Variants in HPCAL1 observed in about 807,000 individuals in gnomAD.
HPCAL1 encodes the protein hippocalcin-like protein 1.
Under a neutral mutation model 17.1 loss-of-function variants are expected in HPCAL1, and 8 were observed. That is an observed-to-expected ratio of 0.47 (90% CI 0.27 to 0.84). The LOEUF (loss-of-function observed/expected upper bound fraction) is 0.84, where lower values mean the gene tolerates loss of function less well. HPCAL1 is among the 40% of genes least tolerant of loss of function. HPCAL1 has a pLI of 0.13. For missense variants in HPCAL1, 165 were observed against 271.1 expected, an observed-to-expected ratio of 0.61 and a Z score of 2.75; for synonymous variants, 112 against 111.4, an observed-to-expected ratio of 1.01 and a Z score of -0.03.
intron 1 of HPCAL1, among the ~76,000 whole-genome samples, chr2:10,378,941 G>A (rs955180733): frequency 6.6e-6 from 1 of 152,222 alleles, no homozygotes; most frequent in Admixed American, 6.5e-5. Context: ...GAGGCGGACA[G>A]ACTCATGCTG....
intron 1 of HPCAL1, among the ~76,000 whole-genome samples, chr2:10,336,120 G>A (rs1664706055): frequency 6.7e-6 from 1 of 148,350 alleles, no homozygotes; most frequent in Non-Finnish European, 1.5e-5. Context: ...TAAATTAATT[G>A]CATGTTCGTA....
chr2:10,397,773 G>T (rs963766923), intron 2 of HPCAL1, among the ~76,000 whole-genome samples: 6 of 152,192 alleles, frequency 3.9e-5, no homozygotes, highest in Non-Finnish European at 8.8e-5. Flanking sequence ...CTGCCCTCGG[G>T]TCTGGAGAGC....
chr2:10,325,831 G>A lies in HPCAL1; in HGVS notation c.-111+22654G>A, dbSNP rs531683817. On this transcript the variant is annotated intron_variant, in intron 1 of 4. Transcript: ENST00000307845. The stretch of plus-strand genomic sequence containing the variant: ...TCCTGCTGGTCCCAGGCCCAGCTGC[G>A]GCCAATTAGCACCTCTGTTGGGCAC... Among the ~76,000 whole-genome samples the A allele has an allele frequency of 1.1e-4, 16 of 152,322 alleles. 1 individual carries two copies. The highest frequency in any genetic ancestry group is 2.1e-4 in the South Asian group (1 of 4,834).
At chr2:10,315,114 A>T (rs77220471) in intron 1 of HPCAL1, among the ~76,000 whole-genome samples, 2 of 151,996 alleles carry the variant, frequency 1.3e-5, no homozygotes, top group Non-Finnish European at 2.9e-5. Context: ...ACACGGTGAA[A>T]CCCCGTCTCT....
intron 2 of HPCAL1, among the ~76,000 whole-genome samples, chr2:10,410,961 C>G (rs1262127292): frequency 6.6e-6 from 1 of 150,816 alleles, no homozygotes; most frequent in African/African-American, 2.4e-5. Context: ...AGGCAGCCTG[C>G]GTCGGGCCCG....
Position 10,384,735 on chromosome 2 carries a change from C to G in HPCAL1, c.-110-12100C>G, listed in dbSNP as rs1367836823. On this transcript the variant is annotated intron_variant, in intron 1 of 4. Coordinates refer to ENST00000307845, the MANE Select transcript of HPCAL1 (RefSeq NM_002149.4). The surrounding 1 kb of genome is among the most constrained non-coding windows in gnomAD (Gnocchi z 4.4). Reference sequence around the variant, plus strand: ...GGCAGAGTAAACAGTGCAGTGGCAGCCGGGGCTGGCACTTTTAAAGAAAGC... The same window carrying G: ...GGCAGAGTAAACAGTGCAGTGGCAGGCGGGGCTGGCACTTTTAAAGAAAGC... Among the ~76,000 whole-genome samples, 1 of 152,084 alleles carries G rather than the reference C, an allele frequency of 6.6e-6. No homozygotes were observed. The highest frequency in any genetic ancestry group is 1.5e-5 in the Non-Finnish European group (1 of 68,010).
At chr2:10,393,051 G>GC (rs1668807322) in intron 1 of HPCAL1, among the ~76,000 whole-genome samples, 1 of 152,204 alleles carries the variant, frequency 6.6e-6, no homozygotes, top group Non-Finnish European at 1.5e-5. Context: ...GTAGATCTGT[G>GC]CCCAGCAGGT....
At chr2:10,350,177 T>G (rs1366411674) in intron 1 of HPCAL1, among the ~76,000 whole-genome samples, 1 of 152,190 alleles carries the variant, frequency 6.6e-6, no homozygotes, top group Non-Finnish European at 1.5e-5. Flanking sequence ...TGAGTCTTGG[T>G]GGGCTCAGAG....
chr2:10,402,399 C>T (rs1358745099), intron 2 of HPCAL1, among the ~76,000 whole-genome samples: 2 of 152,202 alleles, frequency 1.3e-5, no homozygotes, highest in Admixed American at 6.5e-5. Context: ...ACAACTCTCC[C>T]TGCAGAATCT....
Position 10,349,571 on chromosome 2 carries a change from C to A in HPCAL1, c.-111+46394C>A, listed in dbSNP as rs535349540. ...ACAAAAAATTAGCTGGGCGTGGTGG[C>A]GGGCACCTGTAGTCCCAGCTACTCA... On this transcript the variant is annotated intron_variant, in intron 1 of 4. Transcript: ENST00000307845. Among the ~76,000 whole-genome samples, 61 of 151,334 alleles carry A rather than the reference C, an allele frequency of 4.0e-4. 1 individual carries two copies. The highest frequency in any genetic ancestry group is 1.4e-3 in the African/African-American group (59 of 41,168).
Position 10,427,173 on chromosome 2 carries a change from C to G in HPCAL1, c.*352C>G. The G allele has an allele frequency of 4.0e-6, 1 of 249,894 alleles. No homozygotes were observed. The highest frequency in any genetic ancestry group is 1.1e-4 in the East Asian group (1 of 9,496). The allele number at this position is 249,894 out of a possible 1,614,324, so 15.5% of individuals were successfully genotyped here. ...GAGGCTGCGCCCCGGCCGGCCCATG[C>G]GTTTTGTGATCCCAAGTGACTCTGT... On this transcript the variant is annotated 3_prime_UTR_variant, in exon 5 of 5. Coordinates refer to ENST00000307845, the MANE Select transcript of HPCAL1 (RefSeq NM_002149.4).
chr2:10,422,950 C>G (rs1396044139), intron 3 of HPCAL1, 33 bp from the exon 4 acceptor site: 1 of 1,523,642 alleles, frequency 6.6e-7, no homozygotes, highest in South Asian at 1.1e-5. Context: ...GCCCCCGGGC[C>G]TCTGAGCACA....
chr2:10,337,272 C>T (rs1303876962), intron 1 of HPCAL1, among the ~76,000 whole-genome samples: 3 of 152,156 alleles, frequency 2.0e-5, no homozygotes, highest in African/African-American at 4.8e-5. Flanking sequence ...CCCCTCCTTT[C>T]GTGTCTTCGT....
At chr2:10,385,049 G>A (rs1334447742) in intron 1 of HPCAL1, among the ~76,000 whole-genome samples, 1 of 151,598 alleles carries the variant, frequency 6.6e-6, no homozygotes, top group Admixed American at 6.6e-5. Context: ...GAACCCGGGA[G>A]GTGAAGGTTG....
At chr2:10,324,088 TCCCACTATTAAGAA>T (rs1663838110) in intron 1 of HPCAL1, among the ~76,000 whole-genome samples, 1 of 152,234 alleles carries the variant, frequency 6.6e-6, no homozygotes, top group Non-Finnish European at 1.5e-5. Flanking sequence ...TTTTCCAGGG[TCCCACTATTAAGAA>T]CTCACTCATC....
rs988915299 is a variant in HPCAL1, at chr2:10,344,917, C to G, written c.-111+41740C>G. On this transcript the variant is annotated intron_variant, in intron 1 of 4. Transcript: ENST00000307845. The surrounding 1 kb of genome is among the most constrained non-coding windows in gnomAD (Gnocchi z 4.9). ...TCCGTTTCTCTTTCTCTCTGTGTGT[C>G]TCTCTCTCTGTGCCTTTCAGTCTCT... is the stretch of plus-strand genomic sequence containing the variant. Among the ~76,000 whole-genome samples, 12 of 150,202 alleles carry G rather than the reference C, an allele frequency of 8.0e-5. No individual in the cohort carries two copies. The highest frequency in any genetic ancestry group is 1.2e-4 in the African/African-American group (5 of 40,618).
chr2:10,307,394 C>T (rs773672591), intron 1 of HPCAL1, among the ~76,000 whole-genome samples: 1 of 152,194 alleles, frequency 6.6e-6, no homozygotes, highest in Non-Finnish European at 1.5e-5. Context: ...GTCTAGAGGA[C>T]AGTTCCTTCT....
At chr2:10,378,814 C>A (rs139006909) in intron 1 of HPCAL1, among the ~76,000 whole-genome samples, 2 of 152,134 alleles carry the variant, frequency 1.3e-5, no homozygotes, top group Non-Finnish European at 2.9e-5. Flanking sequence ...GATGTTAAAT[C>A]CTCACGGTAG....
intron 1 of HPCAL1, among the ~76,000 whole-genome samples, chr2:10,357,243 A>G (rs115527801): frequency 0.012 from 1,901 of 152,304 alleles, 54 homozygotes; most frequent in African/African-American, 0.043. Flanking sequence ...GGGACATGAG[A>G]GGCTTGCAGT....
Sources: allele counts gnomAD v4.1 joint callset (sites outside exome capture counted in the v4.1 genomes callset), GRCh38; gene constraint gnomAD v4.1.1; non-coding constraint Gnocchi (gnomAD v3.1); transcripts MANE v1.5; gene names NCBI Gene and HGNC (gene_info 2026-07-23, HGNC 2026-07-21).